IL1RL2: variants seen among roughly 807,000 people sequenced by gnomAD.
IL1RL2 encodes interleukin 1 receptor like 2.
In IL1RL2, 68 loss-of-function variants were observed where a neutral mutation model predicts 66.8. That is an observed-to-expected ratio of 1.02 (90% confidence interval 0.84 to 1.25). The LOEUF (loss-of-function observed/expected upper bound fraction) is 1.25. Among genes scored for constraint, IL1RL2 ranks in the 50% most tolerant of loss-of-function variants. The probability of loss-of-function intolerance (pLI) is 0.00; values close to 1 mark genes in which losing one functional copy is unlikely to be tolerated. For missense variants in IL1RL2, 729 were observed against 709.3 expected, an observed-to-expected ratio of 1.03 and a Z score of -0.32; for synonymous variants, 305 against 264.6, an observed-to-expected ratio of 1.15 and a Z score of -1.48.
downstream of IL1RL2, among the ~76,000 whole-genome samples, chr2:102,240,517 T>G (rs1358990130): frequency 6.6e-6 from 1 of 152,192 alleles, no homozygotes; most frequent in Non-Finnish European, 1.5e-5. Context: ...CAACTCAGTA[T>G]GCACACACGG....
At chr2:102,234,476 C>T (rs1018997799) in intron 10 of IL1RL2, among the ~76,000 whole-genome samples, 21 of 152,140 alleles carry the variant, frequency 1.4e-4, no homozygotes, top group African/African-American at 5.1e-4. Flanking sequence ...TTAATCCATT[C>T]CTGACTAAGT....
chr2:102,210,957 A>G (rs534724076), intron 5 of IL1RL2, among the ~76,000 whole-genome samples: 1 of 152,312 alleles, frequency 6.6e-6, no homozygotes, highest in Non-Finnish European at 1.5e-5. Context: ...TTAGAAGTGA[A>G]GAAAAAGACA....
At position 102,239,402 on chromosome 2, in the gene IL1RL2, G is replaced by A. The variant is rs1675137451; in HGVS notation, c.*161G>A. On this transcript the variant is annotated 3_prime_UTR_variant, in exon 12 of 12. Coordinates refer to ENST00000264257, the MANE Select transcript of IL1RL2 (RefSeq NM_003854.4). ...AAGAGGAGGATGGGATAAGAACTGG[G>A]GCCATCCCCATGTCATGGTGGGTGA... 8 of 649,766 alleles carry A rather than the reference G, an allele frequency of 1.2e-5. No homozygotes were observed. Among genetic ancestry groups the A allele is most frequent in the Non-Finnish European group, 2.2e-5 (8 of 359,662 alleles). The allele number at this position is 649,766 out of a possible 1,614,324, so 40.3% of individuals were successfully genotyped here. A position where few individuals can be genotyped will look rare whatever the true frequency, so the allele number is the denominator to read the frequency against.
intron 3 of IL1RL2, among the ~76,000 whole-genome samples, chr2:102,189,677 C>T (rs1157023868): frequency 2.0e-5 from 3 of 151,988 alleles, no homozygotes; most frequent in African/African-American, 7.2e-5. Flanking sequence ...AGTGCAGTGG[C>T]GGCGATCTCG....
At position 102,192,084 on chromosome 2, in the gene IL1RL2, G is replaced by C; in HGVS notation, c.453G>C (p.Pro151=). Residue 151 remains proline (P), a synonymous_variant, in exon 4 of 12, where the codon CCG becomes CCC. Transcript: ENST00000264257. The part of the protein sequence containing the change: ...DDSLTCHLHF[P]KSCVLGPIKW... ...GTCTCACATGTCATCTGCACTTCCC[G>C]AAGAGTTGTGTTTTGGGTCCAATAA... 7.5e-6 allele frequency: 12 copies of C among 1,599,752 alleles called. No individual in the cohort carries two copies. Among genetic ancestry groups the C allele is most frequent in the Non-Finnish European group, 1.0e-5 (12 of 1,175,354 alleles).
intron 5 of IL1RL2, among the ~76,000 whole-genome samples, chr2:102,203,331 T>C (rs1396631869): frequency 6.9e-6 from 1 of 144,450 alleles, no homozygotes; most frequent in Non-Finnish European, 1.6e-5. Flanking sequence ...TACTTGCCTA[T>C]AGTTTTCTCT....
At chr2:102,199,811 ATCCAGGGCAGCCTG>A (rs1688087595) in intron 4 of IL1RL2, among the ~76,000 whole-genome samples, 1 of 152,236 alleles carries the variant, frequency 6.6e-6, no homozygotes, top group South Asian at 2.1e-4. Flanking sequence ...GCCAGAGACT[ATCCAGGGCAGCCTG>A]TCCAGGGAAG....
chr2:102,187,780 C>T, intron 1 of IL1RL2, 76 bp from the exon 2 acceptor site: 4 of 1,260,334 alleles, frequency 3.2e-6, no homozygotes, highest in Admixed American at 1.7e-5. Context: ...TTTGAGATTC[C>T]GAGGTCGCCC....
chr2:102,201,056 T>C (rs1688211554), intron 4 of IL1RL2, among the ~76,000 whole-genome samples: 1 of 152,112 alleles, frequency 6.6e-6, no homozygotes, highest in African/African-American at 2.4e-5. Flanking sequence ...GTTATTCACC[T>C]GGGTTTCCAG....
chr2:102,229,017 A>G (rs957501565), intron 9 of IL1RL2, among the ~76,000 whole-genome samples: 1 of 152,152 alleles, frequency 6.6e-6, no homozygotes, highest in Non-Finnish European at 1.5e-5. Flanking sequence ...TTGGGGGTAA[A>G]CCCACCAAAC....
intron 9 of IL1RL2, among the ~76,000 whole-genome samples, chr2:102,231,582 TCCAGA>T (rs970402304): frequency 2.0e-5 from 3 of 151,544 alleles, no homozygotes; most frequent in African/African-American, 7.3e-5. Flanking sequence ...TTTCAAGAAC[TCCAGA>T]CCATGGGGAT....
Position 102,239,286 on chromosome 2 carries a change from C to T in IL1RL2, c.*45C>T, listed in dbSNP as rs370754757. The stretch of plus-strand genomic sequence containing the variant: ...TATGGCTGGAAGATGACTTGTTTTG[C>T]TCCATGTCTCCTCATTCCTACACCT... On this transcript the variant is annotated 3_prime_UTR_variant, in exon 12 of 12. Coordinates refer to ENST00000264257, the MANE Select transcript of IL1RL2 (RefSeq NM_003854.4). 1.9e-6 allele frequency: 3 copies of T among 1,554,698 alleles called. No homozygotes were observed. In the African/African-American group the frequency reaches 4.1e-5, roughly 21 times the overall value.
chr2:102,239,221 T>C lies in IL1RL2; in HGVS notation c.1708T>C (p.Cys570Arg). The change falls in exon 12 of 12, where the codon TGT becomes CGT. Residue 570 changes from cysteine (C) to arginine (R), a missense_variant. Physicochemically the swap from Cys to Arg is radical, Grantham distance 180. Transcript: ENST00000264257. ...GPELGSRRKK[C>R]TLTTG ...AGAACTAGGCTCAAGAAGAAAGAAGTGTACTCTCACGACTGGCTAAGACTT... is the reference window on the plus strand; with the variant it reads ...AGAACTAGGCTCAAGAAGAAAGAAGCGTACTCTCACGACTGGCTAAGACTT... 2 of 1,614,054 alleles carry C rather than the reference T, an allele frequency of 1.2e-6. No homozygotes were observed. The highest frequency in any genetic ancestry group is 2.2e-5 in the East Asian group (1 of 44,880).
intron 4 of IL1RL2, among the ~76,000 whole-genome samples, chr2:102,195,623 TTCTTTCTCTC>T (rs1317598717): frequency 3.7e-3 from 51 of 13,726 alleles, no homozygotes; most frequent in African/African-American, 8.2e-3. Context: ...CTTTCTTTCT[TTCTTTCTCTC>T]TCTCTCTCTC....
At position 102,239,052 on chromosome 2, in the gene IL1RL2, G is replaced by A. The variant is rs568254208; in HGVS notation, c.1679-140G>A. ...ACCACCTTGCAAAGATAACCCAAGA[G>A]AAATGGAAGCCTCAGGGATATACCA... On this transcript the variant is annotated intron_variant, in intron 11 of 11. Coordinates refer to ENST00000264257, the MANE Select transcript of IL1RL2 (RefSeq NM_003854.4). 3.1e-5 allele frequency: 21 copies of A among 680,406 alleles called. No homozygotes were observed. The South Asian group carries it at 3.2e-4, about 10-fold the overall frequency. The allele number at this position is 680,406 out of a possible 1,614,324, so 42.1% of individuals were successfully genotyped here.
chr2:102,234,023 C>T (rs13413002), intron 10 of IL1RL2, among the ~76,000 whole-genome samples: 5,231 of 152,066 alleles, frequency 0.034, 208 homozygotes, highest in African/African-American at 0.1. Flanking sequence ...TCTTATTTCC[C>T]ATGAGAGGCA....
rs1399488268 is a variant in IL1RL2, at chr2:102,234,988, G to T, written c.1389G>T (p.Lys463Asn). 9 of 1,614,200 alleles carry T rather than the reference G, an allele frequency of 5.6e-6. No homozygotes were observed. The highest frequency in any genetic ancestry group is 2.2e-5 in the East Asian group (1 of 44,876). The change falls in exon 11 of 12, where the codon AAG becomes AAT. Residue 463 changes from lysine to asparagine, a missense_variant. By Grantham distance (94) the Lys-to-Asn change is moderately conservative. Transcript: ENST00000264257. The part of the protein sequence containing the change: ...VPESLGFGLL[K>N]NLSEEQIAVY... ...AATCGCTGGGCTTTGGCCTGTTGAA[G>T]AACCTGTCAGAAGAACAAATCGCGG...
chr2:102,212,131 T>C lies in IL1RL2; in HGVS notation c.681T>C (p.Pro227=). 6.2e-7 allele frequency: 1 copy of C among 1,613,578 alleles called. No homozygotes were observed. Among genetic ancestry groups the C allele is most frequent in the Non-Finnish European group, 8.5e-7 (1 of 1,179,556 alleles). Reference sequence around the variant, plus strand: ...GAGCTGGATATGGAGGAAGTGTCCCTAAAATCATTTATCCAAAAAATCATT... The same window carrying C: ...GAGCTGGATATGGAGGAAGTGTCCCCAAAATCATTTATCCAAAAAATCATT... The part of the protein sequence containing the change: ...TERAGYGGSV[P]KIIYPKNHSI... The change falls in exon 6 of 12, where the codon CCT becomes CCC. Residue 227 remains proline, a synonymous_variant. Transcript: ENST00000264257.
At chr2:102,188,038 C>A (rs1686852021) in intron 2 of IL1RL2, 113 bp downstream of exon 2, 2 of 964,826 alleles carry the variant, frequency 2.1e-6, no homozygotes, top group Non-Finnish European at 1.7e-6. Flanking sequence ...CTTCCCCTCC[C>A]CAGACCGCCA....
Sources: gnomAD v4.1 joint callset for allele counts (sites outside exome capture counted in the v4.1 genomes callset) on GRCh38, gnomAD v4.1.1 for gene constraint, MANE v1.5 for transcripts, NCBI Gene and HGNC (gene_info 2026-07-23, HGNC 2026-07-21) for gene names.